Variants in GNA11 observed in about 807,000 individuals in gnomAD.
The protein encoded by GNA11 is guanine nucleotide-binding protein subunit alpha-11.
A neutral mutation model predicts 38.2 loss-of-function variants in GNA11; 8 were observed. That is an observed-to-expected ratio of 0.21 (90% CI 0.12 to 0.38). The LOEUF is 0.38. GNA11 is among the 10% of genes least tolerant of loss of function. GNA11 has a pLI of 1.00. For synonymous variants in GNA11, 211 were observed against 221.4 expected, an observed-to-expected ratio of 0.95 and a Z score of 0.42; for missense variants, 268 against 516.3, an observed-to-expected ratio of 0.52 and a Z score of 4.66.
At chr19:3,099,054 C>T (rs1006645090) in intron 1 of GNA11, among the ~76,000 whole-genome samples, 4 of 152,190 alleles carry the variant, frequency 2.6e-5, no homozygotes, top group Admixed American at 6.5e-5. Flanking sequence ...GAAGTGCTTT[C>T]CTCCGAGATT....
rs111842709 is a variant in GNA11, at chr19:3,122,455, C to T, written c.*1276C>T. On this transcript the variant is annotated 3_prime_UTR_variant, in exon 7 of 7. Coordinates refer to ENST00000078429, the MANE Select transcript of GNA11 (RefSeq NM_002067.5). This position sits in a 1 kb window ranked among gnomAD's most constrained non-coding sequence, Gnocchi z 7.7. ...CGGCCCGAGGGGGAGCCCGCCAGGCCACGCCGCACTGAGCCACAGCCCCGG... is the reference window on the plus strand; with the variant it reads ...CGGCCCGAGGGGGAGCCCGCCAGGCTACGCCGCACTGAGCCACAGCCCCGG... 4.3e-6 allele frequency: 1 copy of T among 231,384 alleles called. No individual in the cohort carries two copies. Among genetic ancestry groups the T allele is most frequent in the South Asian group, 1.8e-4 (1 of 5,498 alleles). 14.3% of individuals were successfully genotyped at this position (231,384 alleles called of 1,614,324 possible).
Position 3,119,082 on chromosome 19 carries a change from T to C in GNA11, c.735+29T>C, listed in dbSNP as rs1218279831. 2.5e-6 allele frequency: 4 copies of C among 1,610,622 alleles called. No homozygotes were observed. The highest frequency in any genetic ancestry group is 3.3e-5 in the Admixed American group (2 of 59,968). ...GGCCCTGCCCTGAGCAGGGGCAGCG[T>C]TGGGGGCCGGGCCTTCCCCACCTGC... is the stretch of plus-strand genomic sequence containing the variant. On this transcript the variant is annotated intron_variant, in intron 5 of 6. Coordinates refer to ENST00000078429, the MANE Select transcript of GNA11 (RefSeq NM_002067.5). The surrounding 1 kb of genome is among the most constrained non-coding windows in gnomAD (Gnocchi z 4.6).
At chr19:3,109,411 G>T (rs1360767645) in intron 1 of GNA11, among the ~76,000 whole-genome samples, 1 of 152,206 alleles carries the variant, frequency 6.6e-6, no homozygotes, top group African/African-American at 2.4e-5. Context: ...GGGGCCCTGG[G>T]ACCATCAGTG....
chr19:3,118,783 C>A lies in GNA11; in HGVS notation c.606-141C>A, dbSNP rs564864160. ...GCCGCTCTCTGAGAGCGTCCTTGCC[C>A]GTTCTAAGAGTGGGGGCTCTTCCTG... On this transcript the variant is annotated intron_variant, in intron 4 of 6. Coordinates refer to ENST00000078429, the MANE Select transcript of GNA11 (RefSeq NM_002067.5). 247 of 763,250 alleles carry A rather than the reference C, an allele frequency of 3.2e-4. No individual in the cohort carries two copies. The African/African-American group carries it at 4.0e-3, about 12-fold the overall frequency. The allele number at this position is 763,250 out of a possible 1,614,324, so 47.3% of individuals were successfully genotyped here. A position where few individuals can be genotyped will look rare whatever the true frequency, so the allele number is the denominator to read the frequency against.
chr19:3,099,251 C>T (rs1194346756), intron 1 of GNA11, among the ~76,000 whole-genome samples: 1 of 151,910 alleles, frequency 6.6e-6, no homozygotes, highest in African/African-American at 2.4e-5. Context: ...ACAGCTGGGA[C>T]CCAGCGCCCC....
At chr19:3,116,105 G>C (rs1913913783) in intron 4 of GNA11, among the ~76,000 whole-genome samples, 2 of 152,078 alleles carry the variant, frequency 1.3e-5, no homozygotes, top group African/African-American at 4.8e-5. Context: ...CGGGGCTCCA[G>C]GTCCACTGTG....
At chr19:3,109,334 A>G (rs1365521634) in intron 1 of GNA11, among the ~76,000 whole-genome samples, 1 of 152,214 alleles carries the variant, frequency 6.6e-6, no homozygotes, top group Non-Finnish European at 1.5e-5. Flanking sequence ...GTGGAGCGAC[A>G]GCTGGCCACA....
intron 1 of GNA11, among the ~76,000 whole-genome samples, chr19:3,104,116 G>A (rs369810802): frequency 4.4e-4 from 67 of 152,370 alleles, no homozygotes; most frequent in African/African-American, 1.6e-3. Flanking sequence ...CACCGCGCCC[G>A]GCTTTGAATC....
rs1914144530 is a variant in GNA11, at chr19:3,123,604, C to A, written c.*2425C>A. The A allele has an allele frequency of 1.3e-5, 3 of 233,170 alleles. No homozygotes were observed. The highest frequency in any genetic ancestry group is 5.6e-5 in the Admixed American group (1 of 17,804). The allele number at this position is 233,170 out of a possible 1,614,324, so 14.4% of individuals were successfully genotyped here. Reference sequence around the variant, plus strand: ...CATGTTACGCCCGGGCGGCAGCAGCCCCCGGCCACTGCAAACCCATGCCCT... The same window carrying A: ...CATGTTACGCCCGGGCGGCAGCAGCACCCGGCCACTGCAAACCCATGCCCT... On this transcript the variant is annotated 3_prime_UTR_variant, in exon 7 of 7. Transcript: ENST00000078429.
intron 1 of GNA11, among the ~76,000 whole-genome samples, chr19:3,100,688 C>A (rs898348390): frequency 4.6e-5 from 7 of 152,110 alleles, no homozygotes; most frequent in African/African-American, 1.7e-4. Context: ...CTGAGTCCTG[C>A]CTGTGGCCTG....
At chr19:3,118,507 T>A (rs962481806) in intron 4 of GNA11, 1 of 190,652 alleles carries the variant, frequency 5.2e-6, no homozygotes, top group Non-Finnish European at 1.1e-5. Context: ...TGTTTACTCC[T>A]GCGAGTGACG....
rs1913871275 is a variant in GNA11, at chr19:3,114,935, G to A, written c.477-9G>A. On this transcript the variant is annotated splice_polypyrimidine_tract_variant and intron_variant, in intron 3 of 6. Coordinates refer to ENST00000078429, the MANE Select transcript of GNA11 (RefSeq NM_002067.5). ...GCAGCCGGCCTGAGCACCCACCGCT[G>A]TGTTGCAGCTACCTGACCGACGTTG... The A allele has an allele frequency of 6.2e-7, 1 of 1,600,790 alleles. No individual in the cohort carries two copies. Among genetic ancestry groups the A allele is most frequent in the Non-Finnish European group, 8.5e-7 (1 of 1,174,840 alleles).
intron 1 of GNA11, among the ~76,000 whole-genome samples, chr19:3,097,720 G>A (rs576197017): frequency 7.2e-4 from 109 of 151,802 alleles, no homozygotes; most frequent in Non-Finnish European, 1.4e-3. Flanking sequence ...CTGCCGTGCC[G>A]CCTCTCCCGC....
In GNA11 at chr19:3,108,944, C is replaced by T. The variant is rs1913699736; in HGVS notation, c.137-1205C>T. Among the ~76,000 whole-genome samples the T allele has an allele frequency of 6.6e-6, 1 of 152,218 alleles. No homozygotes were observed. Among genetic ancestry groups the T allele is most frequent in the Non-Finnish European group, 1.5e-5 (1 of 68,044 alleles). ...CCGTGAAGCTGCTTGAGGGTCCTCA[C>T]AGCGTGGCGGCTGCCTACCCCAGAG... On this transcript the variant is annotated intron_variant, in intron 1 of 6. Coordinates refer to ENST00000078429, the MANE Select transcript of GNA11 (RefSeq NM_002067.5). This position sits in a 1 kb window ranked among gnomAD's most constrained non-coding sequence, Gnocchi z 4.5.
intron 4 of GNA11, among the ~76,000 whole-genome samples, chr19:3,116,243 G>A (rs570717661): frequency 6.6e-6 from 1 of 152,258 alleles, no homozygotes; most frequent in African/African-American, 2.4e-5. Flanking sequence ...CTGTCTCCTG[G>A]CCCCATATAA....
intron 1 of GNA11, among the ~76,000 whole-genome samples, chr19:3,099,524 G>A (rs1241242178): frequency 1.3e-5 from 2 of 152,234 alleles, no homozygotes; most frequent in Admixed American, 6.5e-5. Context: ...GCCAGGCCCT[G>A]TGTGGAGCAT....
At chr19:3,102,214 T>C (rs533676112) in intron 1 of GNA11, among the ~76,000 whole-genome samples, 19 of 152,090 alleles carry the variant, frequency 1.2e-4, no homozygotes, top group Non-Finnish European at 2.8e-4. Context: ...GGAGCCAGTC[T>C]GCACGGAAGC....
intron 1 of GNA11, among the ~76,000 whole-genome samples, chr19:3,095,202 G>T (rs1913334444): frequency 1.3e-5 from 2 of 152,138 alleles, no homozygotes; most frequent in African/African-American, 4.8e-5. Flanking sequence ...GTGTCAGCCT[G>T]TGTCTGTCCT....
At chr19:3,103,983 C>T (rs549080087) in intron 1 of GNA11, among the ~76,000 whole-genome samples, 5 of 152,302 alleles carry the variant, frequency 3.3e-5, no homozygotes, top group Middle Eastern at 6.8e-3. Flanking sequence ...CCATGCCTGG[C>T]CATTTTTGTA....
Sources: gnomAD v4.1 joint callset for allele counts (sites outside exome capture counted in the v4.1 genomes callset) on GRCh38, gnomAD v4.1.1 for gene constraint, Gnocchi (gnomAD v3.1) non-coding constraint, MANE v1.5 for transcripts, NCBI Gene and HGNC (gene_info 2026-07-23, HGNC 2026-07-21) for gene names.